TNR: variants seen among roughly 807,000 people sequenced by gnomAD.
TNR encodes the protein tenascin-R.
TNR carries 45 observed loss-of-function variants against 150.4 expected under a neutral mutation model. The observed-to-expected ratio is 0.30, with a 90% CI of 0.24 to 0.38. The LOEUF (loss-of-function observed/expected upper bound fraction) is 0.38, where lower values mean the gene tolerates loss of function less well. Among genes scored for constraint, TNR ranks in the 10% least tolerant of loss-of-function variants. The pLI is 1.00. For synonymous variants in TNR, 687 were observed against 678.4 expected (o/e 1.01, Z -0.20); for missense variants, 1,544 against 1,759.1 (o/e 0.88, Z 2.19).
chr1:175,701,736 G>A (rs1181931659), intron 1 of TNR, among the ~76,000 whole-genome samples: 3 of 152,226 alleles, frequency 2.0e-5, no homozygotes, highest in African/African-American at 7.2e-5. Context: ...GTGAGAGCAG[G>A]GTTTTCAGCC....
intron 2 of TNR, among the ~76,000 whole-genome samples, chr1:175,461,097 C>T (rs565237125): frequency 8.5e-4 from 129 of 152,328 alleles, no homozygotes; most frequent in Middle Eastern, 3.4e-3. Flanking sequence ...AAAAATTACT[C>T]AAAGCCTCAA....
intron 21 of TNR, among the ~76,000 whole-genome samples, chr1:175,328,196 C>T (rs765891793): frequency 6.6e-5 from 10 of 152,164 alleles, no homozygotes; most frequent in Admixed American, 3.3e-4. Context: ...TAAAACTAGA[C>T]GATTAGTTTT....
chr1:175,675,993 G>T (rs1665853174), intron 1 of TNR, among the ~76,000 whole-genome samples: 1 of 152,122 alleles, frequency 6.6e-6, no homozygotes, highest in Non-Finnish European at 1.5e-5. Flanking sequence ...GAGTGGTGGG[G>T]GGAAATATTA....
chr1:175,739,573 C>T (rs1667870063), intron 1 of TNR, among the ~76,000 whole-genome samples: 2 of 152,148 alleles, frequency 1.3e-5, no homozygotes, highest in African/African-American at 4.8e-5. Context: ...TCCGTTACTT[C>T]TTAATGGTAA....
At chr1:175,537,796 T>C (rs543523780) in intron 1 of TNR, among the ~76,000 whole-genome samples, 55 of 152,264 alleles carry the variant, frequency 3.6e-4, no homozygotes, top group Non-Finnish European at 6.9e-4. Context: ...TAAGTCCCTC[T>C]CCCTCGTCAG....
intron 1 of TNR, among the ~76,000 whole-genome samples, chr1:175,559,027 C>A (rs980926591): frequency 6.6e-6 from 1 of 152,170 alleles, no homozygotes; most frequent in Non-Finnish European, 1.5e-5. Flanking sequence ...GGTAGGGACA[C>A]ATGGGAAGTG....
intron 1 of TNR, among the ~76,000 whole-genome samples, chr1:175,699,330 G>A (rs952709741): frequency 3.9e-5 from 6 of 152,188 alleles, no homozygotes; most frequent in African/African-American, 1.2e-4. Flanking sequence ...GAAAGATAGT[G>A]TGGCATTGCC....
intron 1 of TNR, among the ~76,000 whole-genome samples, chr1:175,721,760 A>G (rs951028811): frequency 2.0e-5 from 3 of 152,016 alleles, no homozygotes; most frequent in Non-Finnish European, 4.4e-5. Flanking sequence ...AACTGGAGTG[A>G]AGAGCAAGTT....
At chr1:175,724,900 G>C (rs1667437473) in intron 1 of TNR, among the ~76,000 whole-genome samples, 1 of 152,072 alleles carries the variant, frequency 6.6e-6, no homozygotes, top group African/African-American at 2.4e-5. Flanking sequence ...AGGAAAAAGG[G>C]GAAGAACATA....
chr1:175,589,308 ATGAAT>A (rs1300884875), intron 1 of TNR, among the ~76,000 whole-genome samples: 8 of 152,224 alleles, frequency 5.3e-5, no homozygotes, highest in Admixed American at 1.3e-4. Context: ...AAGGGTTTAG[ATGAAT>A]TGAACCAAAA....
intron 1 of TNR, among the ~76,000 whole-genome samples, chr1:175,724,436 T>A (rs562347210): frequency 1.3e-5 from 2 of 152,130 alleles, no homozygotes; most frequent in Non-Finnish European, 2.9e-5. Context: ...AGGGGGATGG[T>A]GCTAAAACAT....
intron 1 of TNR, among the ~76,000 whole-genome samples, chr1:175,545,471 G>A (rs1309302714): frequency 6.6e-6 from 1 of 152,220 alleles, no homozygotes; most frequent in Non-Finnish European, 1.5e-5. Flanking sequence ...CAGTTTAGAA[G>A]AGATTTGAAA....
intron 1 of TNR, among the ~76,000 whole-genome samples, chr1:175,611,804 G>C (rs1335813266): frequency 6.6e-6 from 1 of 152,150 alleles, no homozygotes; most frequent in Non-Finnish European, 1.5e-5. Context: ...CCATCAAGAA[G>C]CTCACAAAGA....
At chr1:175,726,186 A>C (rs1466046901) in intron 1 of TNR, among the ~76,000 whole-genome samples, 1 of 152,192 alleles carries the variant, frequency 6.6e-6, no homozygotes, top group Non-Finnish European at 1.5e-5. Flanking sequence ...GAACATCTCA[A>C]AGATTACACA....
rs192397514 is a variant in TNR at position 175,395,309 on chromosome 1, C to T, written c.1240+1235G>A. ...CTTTCTACCTTGACCTTTTCCTTTT[C>T]TGAACTTTCGTGGCATTTGTTACCT... On this transcript the variant is annotated intron_variant, in intron 5 of 22. Coordinates refer to ENST00000367674, the MANE Select transcript of TNR (RefSeq NM_003285.3). 1.2e-4 allele frequency among the ~76,000 whole-genome samples: 18 copies of T among 152,302 alleles called. No individual in the cohort carries two copies. The East Asian group carries it at 2.3e-3, about 20-fold the overall frequency.
chr1:175,452,238 G>A (rs1656358725), intron 2 of TNR, among the ~76,000 whole-genome samples: 1 of 152,264 alleles, frequency 6.6e-6, no homozygotes, highest in Non-Finnish European at 1.5e-5. Context: ...CATTGGGAAT[G>A]CCTCCTGTGT....
chr1:175,331,415 C>T (rs1649923764), intron 20 of TNR, among the ~76,000 whole-genome samples: 1 of 152,006 alleles, frequency 6.6e-6, no homozygotes, highest in South Asian at 2.1e-4. Flanking sequence ...AGGCACACGC[C>T]ACCATGCCCA....
intron 2 of TNR, among the ~76,000 whole-genome samples, chr1:175,508,369 G>A (rs1022351360): frequency 1.3e-5 from 2 of 152,144 alleles, no homozygotes; most frequent in Non-Finnish European, 2.9e-5. Flanking sequence ...CCTTTGGGAT[G>A]GTCCCCAGTC....
At chr1:175,678,018 C>T (rs1665915727) in intron 1 of TNR, among the ~76,000 whole-genome samples, 1 of 151,618 alleles carries the variant, frequency 6.6e-6, no homozygotes, top group Non-Finnish European at 1.5e-5. Flanking sequence ...CTGTTCTAGA[C>T]AATCATAAAG....
Sources: allele counts gnomAD v4.1 joint callset (sites outside exome capture counted in the v4.1 genomes callset), GRCh38; gene constraint gnomAD v4.1.1; transcripts MANE v1.5; gene names NCBI Gene and HGNC (gene_info 2026-07-23, HGNC 2026-07-21).